C1QC: variants seen among roughly 807,000 people sequenced by gnomAD.
The protein encoded by C1QC is complement C1q subcomponent subunit C.
Under a neutral mutation model 5.9 loss-of-function variants are expected in C1QC, and 4 were observed. That is an observed-to-expected ratio of 0.68 (90% CI 0.33 to 1.55). C1QC has a LOEUF of 1.55. Ranked by LOEUF, C1QC falls within the 40% of genes most tolerant of loss-of-function variation. The pLI, the probability that C1QC is intolerant of heterozygous loss-of-function variation, is 0.06. For missense variants in C1QC, 299 were observed against 326.9 expected (o/e 0.91, Z 0.66); for synonymous variants, 166 against 153.8 (o/e 1.08, Z -0.59).
intron 2 of C1QC, among the ~76,000 whole-genome samples, chr1:22,645,524 G>T (rs1570082178): frequency 6.6e-6 from 1 of 152,186 alleles, no homozygotes; most frequent in East Asian, 1.9e-4. Flanking sequence ...ACTGCCCTCA[G>T]CTGCCTCTCA....
chr1:22,643,956 A>C, intron 1 of C1QC, 55 bp from the exon 2 acceptor site: 1 of 1,538,650 alleles, frequency 6.5e-7, no homozygotes. Context: ...GGGGAATGAG[A>C]GGGTTGGGGG....
chr1:22,646,405 TGC>T (rs1553153025), intron 2 of C1QC, among the ~76,000 whole-genome samples: 1 of 152,210 alleles, frequency 6.6e-6, no homozygotes, highest in South Asian at 2.1e-4. Flanking sequence ...AACTGAAAGA[TGC>T]GCTTGATTGC....
At position 22,646,000 on chromosome 1, in the gene C1QC, A is replaced by G. The variant is rs116949965; in HGVS notation, c.182-1227A>G. 5.3e-5 allele frequency among the ~76,000 whole-genome samples: 8 copies of G among 152,310 alleles called. No homozygotes were observed. In the East Asian group the frequency reaches 1.5e-3, roughly 29 times the overall value. On this transcript the variant is annotated intron_variant, in intron 2 of 2. Coordinates refer to ENST00000374640, the MANE Select transcript of C1QC (RefSeq NM_172369.5). The stretch of plus-strand genomic sequence containing the variant: ...AGAAACTGGAGTCAGCCCTTAAAAG[A>G]TGAGTATGATTTAGATAAGGGGAGA...
rs1642331073 is a variant in C1QC at position 22,644,282 on chromosome 1, C to CG, written c.181+83dup. On this transcript the variant is annotated intron_variant, in intron 2 of 2. Transcript: ENST00000374640. ...GTCTGTCTGGGGCTGACCAAGGGGG[C>CG]GGGGGACAGCAGGAAGTGCTTGCCT... 16 of 1,433,876 alleles carry CG rather than the reference C, an allele frequency of 1.1e-5. No individual in the cohort carries two copies. The South Asian group carries it at 2.2e-4, about 20-fold the overall frequency. The allele number at this position is 1,433,876 out of a possible 1,614,324, so 88.8% of individuals were successfully genotyped here. A position where few individuals can be genotyped will look rare whatever the true frequency, so the allele number is the denominator to read the frequency against.
In C1QC at chr1:22,645,813, GGGTCC is replaced by G. The variant is rs1216904619; in HGVS notation, c.182-1413_182-1409del. The stretch of plus-strand genomic sequence containing the variant: ...CACAGATGTGAAGGCCAGGTCTGCT[GGGTCC>G]CGACCCCACACTCCTAATGCTGAGG... On this transcript the variant is annotated intron_variant, in intron 2 of 2. Transcript: ENST00000374640. 1.1e-3 allele frequency among the ~76,000 whole-genome samples: 164 copies of G among 152,268 alleles called. No individual in the cohort carries two copies. In the East Asian group the frequency reaches 0.021, roughly 20 times the overall value.
chr1:22,647,361 G>A lies in C1QC; in HGVS notation c.316G>A (p.Gly106Arg). ...PGVPGPMGIPGEPGEEGRYKQ... is the reference protein window; with the variant it reads ...PGVPGPMGIPREPGEEGRYKQ... ...GGTGCCCGGCCCCATGGGCATCCCT[G>A]GAGAGCCAGGTGAGGAGGGCAGATA... The change falls in exon 3 of 3, where the codon GGA becomes AGA. Residue 106 changes from glycine to arginine, a missense_variant. Physicochemically the swap from Gly to Arg is moderately radical, Grantham distance 125. This residue lies in a region of C1QC where 146 missense variants were observed against 144.1 expected (regional missense o/e 1.01). Transcript: ENST00000374640. 2 of 1,614,066 alleles carry A rather than the reference G, an allele frequency of 1.2e-6. No homozygotes were observed. Among genetic ancestry groups the A allele is most frequent in the Non-Finnish European group, 1.7e-6 (2 of 1,180,010 alleles).
chr1:22,647,675 G>A lies in C1QC; in HGVS notation c.630G>A (p.Arg210=), dbSNP rs370567740. Residue 210 remains arginine, a synonymous_variant, in exon 3 of 3, where the codon AGG becomes AGA. Transcript: ENST00000374640. ...TCAACTCGGGCGGTGTGCTGCTGAG[G>A]TTGCAGGTGGGCGAGGAGGTGTGGC... ...NQVNSGGVLL[R]LQVGEEVWLA... 9.3e-5 allele frequency: 149 copies of A among 1,610,380 alleles called. No individual in the cohort carries two copies. The highest frequency in any genetic ancestry group is 8.2e-4 in the Middle Eastern group (5 of 6,062).
rs1319686322 is a variant in C1QC, at chr1:22,647,962, C to T, written c.*179C>T. ...GCACCCCCTCCCCATGGGTTCTCTCCTTCCTCTGAACTTCTTTAGGAGTCA... is the reference window on the plus strand; with the variant it reads ...GCACCCCCTCCCCATGGGTTCTCTCTTTCCTCTGAACTTCTTTAGGAGTCA... On this transcript the variant is annotated 3_prime_UTR_variant, in exon 3 of 3. Coordinates refer to ENST00000374640, the MANE Select transcript of C1QC (RefSeq NM_172369.5). 3.9e-6 allele frequency: 3 copies of T among 775,302 alleles called. No individual in the cohort carries two copies. The highest frequency in any genetic ancestry group is 6.0e-6 in the Non-Finnish European group (3 of 497,514). 48.0% of individuals were successfully genotyped at this position (775,302 alleles called of 1,614,324 possible). A position where few individuals can be genotyped will look rare whatever the true frequency, so the allele number is the denominator to read the frequency against.
At position 22,647,564 on chromosome 1, in the gene C1QC, G is replaced by T. The variant is rs777173734; in HGVS notation, c.519G>T (p.Ser173=). Residue 173 remains serine, a synonymous_variant, in exon 3 of 3, where the codon TCG becomes TCT. Coordinates refer to ENST00000374640, the MANE Select transcript of C1QC (RefSeq NM_172369.5). ...PGLYYFVYHA[S]HTANLCVLLY... is the part of the protein sequence containing the mutation. ...TCTACTACTTTGTCTACCACGCGTC[G>T]CATACAGCCAACCTGTGCGTGCTGC... is the stretch of plus-strand genomic sequence containing the variant. 3.7e-6 allele frequency: 6 copies of T among 1,614,186 alleles called. No homozygotes were observed. In the South Asian group the frequency reaches 6.6e-5, roughly 18 times the overall value.
chr1:22,647,662 G>C lies in C1QC; in HGVS notation c.617G>C (p.Gly206Ala). 6.2e-7 allele frequency: 1 copy of C among 1,612,272 alleles called. No homozygotes were observed. The highest frequency in any genetic ancestry group is 8.5e-7 in the Non-Finnish European group (1 of 1,179,858). The change falls in exon 3 of 3, where the codon GGT (glycine) becomes GCT (alanine). Residue 206 changes from glycine (G) to alanine (A), a missense_variant. Physicochemically the swap from Gly to Ala is moderately conservative, Grantham distance 60. Coordinates refer to ENST00000374640, the MANE Select transcript of C1QC (RefSeq NM_172369.5). ...AAAACCAATCAGGTCAACTCGGGCG[G>C]TGTGCTGCTGAGGTTGCAGGTGGGC... ...TSKTNQVNSG[G>A]VLLRLQVGEE... is the part of the protein sequence containing the mutation.
At chr1:22,644,520 T>A (rs1304439478) in intron 2 of C1QC, among the ~76,000 whole-genome samples, 1 of 152,128 alleles carries the variant, frequency 6.6e-6, no homozygotes, top group Non-Finnish European at 1.5e-5. Flanking sequence ...GCAGGGAAAG[T>A]CTTCTTGCCC....
intron 2 of C1QC, among the ~76,000 whole-genome samples, chr1:22,645,733 C>A (rs1175472228): frequency 6.6e-6 from 1 of 152,176 alleles, no homozygotes; most frequent in African/African-American, 2.4e-5. Context: ...TCTATTATGC[C>A]CGTATCTCAA....
intron 2 of C1QC, 117 bp from the exon 3 acceptor site, chr1:22,647,110 A>T (rs556320002): frequency 3.3e-6 from 4 of 1,221,074 alleles, no homozygotes; most frequent in Non-Finnish European, 3.5e-6. Flanking sequence ...TAGCCCATCT[A>T]TGAGAAGGAG....
At chr1:22,644,356 G>A in intron 2 of C1QC, 152 bp downstream of exon 2, 1 of 1,124,614 alleles carries the variant, frequency 8.9e-7, no homozygotes. Flanking sequence ...CGGTGTGTCT[G>A]GCTCCTCTAT....
chr1:22,643,902 G>T (rs1319403431), intron 1 of C1QC, 109 bp from the exon 2 acceptor site: 1 of 1,409,156 alleles, frequency 7.1e-7, no homozygotes, highest in Non-Finnish European at 9.3e-7. Flanking sequence ...GCTCCTGGGG[G>T]AGGAAGGAAG....
chr1:22,647,582 C>T lies in C1QC; in HGVS notation c.537C>T (p.Cys179=), dbSNP rs150732699. Residue 179 remains cysteine, a synonymous_variant, in exon 3 of 3, where the codon TGC becomes TGT. Transcript: ENST00000374640. ...VYHASHTANL[C]VLLYRSGVKV... is the part of the protein sequence containing the mutation. ...ACGCGTCGCATACAGCCAACCTGTGCGTGCTGCTGTACCGCAGCGGCGTCA... is the reference window on the plus strand; with the variant it reads ...ACGCGTCGCATACAGCCAACCTGTGTGTGCTGCTGTACCGCAGCGGCGTCA... 53 of 1,614,248 alleles carry T rather than the reference C, an allele frequency of 3.3e-5. No individual in the cohort carries two copies. In the African/African-American group the frequency reaches 5.2e-4, roughly 16 times the overall value.
At position 22,644,074 on chromosome 1, in the gene C1QC, G is replaced by A; in HGVS notation, c.51G>A (p.Leu17=). ...CCCACCTTGGGCTGAAGCTGCTGCTGCTCCTGCTGCTGCTGCCCCTCAGGG... is the reference window on the plus strand; with the variant it reads ...CCCACCTTGGGCTGAAGCTGCTGCTACTCCTGCTGCTGCTGCCCCTCAGGG... ...SLPHLGLKLL[L]LLLLLPLRGQ... Residue 17 remains leucine (L), a synonymous_variant, in exon 2 of 3, where the codon CTG becomes CTA. Coordinates refer to ENST00000374640, the MANE Select transcript of C1QC (RefSeq NM_172369.5). 6.3e-7 allele frequency: 1 copy of A among 1,581,078 alleles called. No individual in the cohort carries two copies. The highest frequency in any genetic ancestry group is 8.6e-7 in the Non-Finnish European group (1 of 1,164,590).
chr1:22,647,138 C>A, intron 2 of C1QC, 89 bp from the exon 3 acceptor site: 1 of 1,461,068 alleles, frequency 6.8e-7, no homozygotes, highest in Non-Finnish European at 9.3e-7. Flanking sequence ...AGACCAAATG[C>A]CAGCGCTGTG....
In C1QC at chr1:22,647,486, G is replaced by T. The variant is rs146206456; in HGVS notation, c.441G>T (p.Pro147=). The T allele has an allele frequency of 6.2e-7, 1 of 1,614,204 alleles. No homozygotes were observed. The highest frequency in any genetic ancestry group is 1.7e-5 in the Admixed American group (1 of 60,036). The change falls in exon 3 of 3, where the codon CCG becomes CCT. Residue 147 remains proline, a synonymous_variant. Coordinates refer to ENST00000374640, the MANE Select transcript of C1QC (RefSeq NM_172369.5). ...LIRFNAVLTN[P]QGDYDTSTGK... ...GATTCAACGCGGTCCTCACCAACCCGCAGGGAGATTATGACACGAGCACTG... is the reference window on the plus strand; with the variant it reads ...GATTCAACGCGGTCCTCACCAACCCTCAGGGAGATTATGACACGAGCACTG...
Sources: allele counts gnomAD v4.1 joint callset (sites outside exome capture counted in the v4.1 genomes callset), GRCh38; gene constraint gnomAD v4.1.1; regional missense constraint gnomAD v4.1.1; transcripts MANE v1.5; gene names NCBI Gene and HGNC (gene_info 2026-07-23, HGNC 2026-07-21).